SSH2: variants seen among roughly 807,000 people sequenced by gnomAD.
SSH2 encodes the protein protein phosphatase Slingshot homolog 2.
A neutral mutation model predicts 135.2 loss-of-function variants in SSH2; 37 were observed. The observed-to-expected ratio is 0.27, with a 90% CI of 0.21 to 0.36. The LOEUF is 0.36. SSH2 is among the 10% of genes least tolerant of loss of function. The pLI is 1.00. For missense variants in SSH2, 1,408 were observed against 1,765.3 expected, an observed-to-expected ratio of 0.80 and a Z score of 3.63; for synonymous variants, 628 against 646.2, an observed-to-expected ratio of 0.97 and a Z score of 0.43.
chr17:29,861,565 T>A (rs1390218965), intron 1 of SSH2, among the ~76,000 whole-genome samples: 1 of 115,708 alleles, frequency 8.6e-6, no homozygotes, highest in African/African-American at 2.9e-5. Context: ...CACCATAATC[T>A]TCTTCTTTTT....
At chr17:29,800,290 G>A (rs776516488) in intron 2 of SSH2, among the ~76,000 whole-genome samples, 54 of 152,210 alleles carry the variant, frequency 3.5e-4, no homozygotes, top group Non-Finnish European at 6.3e-4. Context: ...TGAAAAAAAT[G>A]TTCAATTATG....
intron 15 of SSH2, among the ~76,000 whole-genome samples, chr17:29,635,416 T>C (rs2035861853): frequency 6.6e-6 from 1 of 152,120 alleles, no homozygotes; most frequent in Non-Finnish European, 1.5e-5. Context: ...ACTTCTTTTT[T>C]TTTTTGAGAC....
At chr17:29,695,136 T>C (rs555413006) in intron 5 of SSH2, among the ~76,000 whole-genome samples, 3 of 152,288 alleles carry the variant, frequency 2.0e-5, no homozygotes, top group African/African-American at 7.2e-5. Flanking sequence ...TCTAGAATAA[T>C]TTCTTTCTAC....
chr17:29,917,104 T>C (rs9904051), intron 1 of SSH2, among the ~76,000 whole-genome samples: 73,644 of 151,566 alleles, frequency 0.49, 18,595 homozygotes, highest in East Asian at 0.69. Context: ...AAAGAATAGG[T>C]GAGGGGCAAA....
At chr17:29,771,412 C>A (rs1461007721) in intron 3 of SSH2, among the ~76,000 whole-genome samples, 2 of 152,172 alleles carry the variant, frequency 1.3e-5, no homozygotes, top group African/African-American at 4.8e-5. Context: ...CACTTTATAT[C>A]TTTCTTAAGA....
At chr17:29,922,424 AAGTG>A (rs1456512580) in intron 1 of SSH2, among the ~76,000 whole-genome samples, 2 of 152,230 alleles carry the variant, frequency 1.3e-5, no homozygotes, top group African/African-American at 4.8e-5. Flanking sequence ...AATACGATTG[AAGTG>A]AGTGTTGCAC....
At chr17:29,920,380 T>G (rs1440002569) in intron 1 of SSH2, among the ~76,000 whole-genome samples, 1 of 152,232 alleles carries the variant, frequency 6.6e-6, no homozygotes, top group Non-Finnish European at 1.5e-5. Context: ...CCCAGGTACT[T>G]GAGTGAAAAT....
intron 1 of SSH2, among the ~76,000 whole-genome samples, chr17:29,910,347 A>T (rs1372897745): frequency 1.3e-5 from 2 of 152,120 alleles, no homozygotes; most frequent in Non-Finnish European, 2.9e-5. Context: ...TTCCTTTAAG[A>T]AAAGGAAGGC....
At chr17:29,741,761 G>A (rs911411549) in intron 3 of SSH2, among the ~76,000 whole-genome samples, 2 of 151,398 alleles carry the variant, frequency 1.3e-5, no homozygotes, top group African/African-American at 4.9e-5. Context: ...TTTTGCAGGC[G>A]TCTGCCACCA....
At chr17:29,650,122 C>A (rs542792857) in intron 13 of SSH2, among the ~76,000 whole-genome samples, 5 of 152,224 alleles carry the variant, frequency 3.3e-5, no homozygotes, top group Non-Finnish European at 5.9e-5. Context: ...ATACCAAACA[C>A]TAAGTTAATA....
chr17:29,800,969 G>A (rs1349105136), intron 2 of SSH2, among the ~76,000 whole-genome samples: 7 of 151,320 alleles, frequency 4.6e-5, no homozygotes, highest in African/African-American at 9.7e-5. Context: ...GGGTTCAAGC[G>A]ATTCTCATAC....
At chr17:29,711,408 T>C (rs757141895) in intron 3 of SSH2, among the ~76,000 whole-genome samples, 3 of 152,242 alleles carry the variant, frequency 2.0e-5, no homozygotes, top group Non-Finnish European at 4.4e-5. Flanking sequence ...CTGTTCATTT[T>C]GAATGTTCAC....
rs2035610611 is a variant in SSH2, at chr17:29,630,211, A to C, written c.*630T>G. ...TCAAAAATAATTTTCTTGGGAAAAA[A>C]ACTATATGATAAATTTGCAGAGCCG... is the stretch of plus-strand genomic sequence containing the variant. On this transcript the variant is annotated 3_prime_UTR_variant, in exon 16 of 16. Coordinates refer to ENST00000540801, the MANE Select transcript of SSH2 (RefSeq NM_001282129.2). 2 of 152,206 alleles carry C rather than the reference A, an allele frequency of 1.3e-5. No homozygotes were observed. The highest frequency in any genetic ancestry group is 4.8e-5 in the African/African-American group (2 of 41,450). 9.4% of individuals were successfully genotyped at this position (152,206 alleles called of 1,614,324 possible). A position where few individuals can be genotyped will look rare whatever the true frequency, so the allele number is the denominator to read the frequency against.
Position 29,849,015 on chromosome 17 carries a change from A to G in SSH2, c.64-86T>C, listed in dbSNP as rs1428550594. 3.6e-6 allele frequency: 3 copies of G among 831,752 alleles called. No homozygotes were observed. The African/African-American group carries it at 5.0e-5, about 14-fold the overall frequency. 51.5% of individuals were successfully genotyped at this position (831,752 alleles called of 1,614,324 possible). A position where few individuals can be genotyped will look rare whatever the true frequency, so the allele number is the denominator to read the frequency against. ...AAAAGCAAGCTGAAATCACTGAGTC[A>G]GTGGTGTTAGCTCACAGGTGAGAAG... On this transcript the variant is annotated intron_variant, in intron 1 of 15. Coordinates refer to ENST00000540801, the MANE Select transcript of SSH2 (RefSeq NM_001282129.2).
At chr17:29,683,322 C>T (rs540101534) in intron 6 of SSH2, among the ~76,000 whole-genome samples, 10 of 152,254 alleles carry the variant, frequency 6.6e-5, no homozygotes, top group African/African-American at 2.2e-4. Flanking sequence ...AAGCAACAAA[C>T]CTTAAGGACA....
chr17:29,770,101 T>G lies in SSH2; in HGVS notation c.188+23793A>C, dbSNP rs930945360. Among the ~76,000 whole-genome samples the G allele has an allele frequency of 7.4e-5, 11 of 147,748 alleles. 1 individual carries two copies. Among genetic ancestry groups the G allele is most frequent in the African/African-American group, 2.2e-4 (9 of 40,280 alleles). On this transcript the variant is annotated intron_variant, in intron 3 of 15. Coordinates refer to ENST00000540801, the MANE Select transcript of SSH2 (RefSeq NM_001282129.2). ...ATTTTTGCTATATTTAGTTTTTTTT[T>G]TTTTTTTTTTTTTTTTTTAACAGAG...
intron 11 of SSH2, among the ~76,000 whole-genome samples, chr17:29,662,090 T>C (rs2037070882): frequency 6.6e-6 from 1 of 152,246 alleles, no homozygotes; most frequent in South Asian, 2.1e-4. Context: ...TTATGTTCTA[T>C]GTAATTATGC....
chr17:29,901,842 C>T (rs1172488285), intron 1 of SSH2, among the ~76,000 whole-genome samples: 1 of 151,978 alleles, frequency 6.6e-6, no homozygotes, highest in Non-Finnish European at 1.5e-5. Context: ...AACGCAATGG[C>T]ATGTGATCAT....
chr17:29,769,418 G>A (rs535411237), intron 3 of SSH2, among the ~76,000 whole-genome samples: 1 of 152,234 alleles, frequency 6.6e-6, no homozygotes, highest in African/African-American at 2.4e-5. Context: ...GACATAACCT[G>A]GTACTAAATA....
Sources: allele counts gnomAD v4.1 joint callset (sites outside exome capture counted in the v4.1 genomes callset), GRCh38; gene constraint gnomAD v4.1.1; transcripts MANE v1.5; gene names NCBI Gene and HGNC (gene_info 2026-07-23, HGNC 2026-07-21).